DPP10: variants seen among roughly 807,000 people sequenced by gnomAD.
DPP10 encodes dipeptidyl peptidase like 10.
A neutral mutation model predicts 120.9 loss-of-function variants in DPP10; 33 were observed. The observed-to-expected ratio is 0.27, with a 90% CI of 0.21 to 0.37. The LOEUF is 0.37. DPP10 is among the 10% of genes least tolerant of loss of function. The pLI, the probability that DPP10 is intolerant of heterozygous loss-of-function variation, is 1.00. For missense variants in DPP10, 816 were observed against 942.8 expected (o/e 0.87, Z 1.76); for synonymous variants, 337 against 326.1 (o/e 1.03, Z -0.36).
chr2:115,701,492 A>C (rs566909710), intron 7 of DPP10, among the ~76,000 whole-genome samples: 1 of 152,256 alleles, frequency 6.6e-6, no homozygotes, highest in Non-Finnish European at 1.5e-5. Context: ...TTAGAAGAAA[A>C]TATAAGTCAG....
intron 3 of DPP10, among the ~76,000 whole-genome samples, chr2:115,411,186 G>T (rs758569813): frequency 2.6e-5 from 4 of 152,020 alleles, no homozygotes; most frequent in Non-Finnish European, 5.9e-5. Context: ...TAAAACATTA[G>T]CCGGGCATGG....
intron 1 of DPP10, among the ~76,000 whole-genome samples, chr2:115,127,034 G>C (rs757251942): frequency 2.6e-5 from 4 of 152,108 alleles, no homozygotes; most frequent in African/African-American, 9.7e-5. Context: ...ATTGTACCAG[G>C]TCACACCTAA....
chr2:115,191,333 C>T (rs1399470529), intron 1 of DPP10, among the ~76,000 whole-genome samples: 2 of 152,206 alleles, frequency 1.3e-5, no homozygotes, highest in African/African-American at 2.4e-5. Flanking sequence ...CTGGAATTTT[C>T]GTCAAACACT....
At chr2:114,663,244 G>GTATATATATATATATCTA (rs1278635466) in intron 1 of DPP10, among the ~76,000 whole-genome samples, 1 of 145,770 alleles carries the variant, frequency 6.9e-6, no homozygotes, top group Non-Finnish European at 1.5e-5. Context: ...CCTTGTGTGT[G>GTATATATATATATATCTA]TATATATATA....
chr2:115,522,713 A>C (rs1292836441), intron 4 of DPP10, among the ~76,000 whole-genome samples: 1 of 152,168 alleles, frequency 6.6e-6, no homozygotes, highest in East Asian at 1.9e-4. Flanking sequence ...ACAGGCAGGC[A>C]TCATTGCTGA....
chr2:114,590,409 T>C (rs576480178), intron 1 of DPP10, among the ~76,000 whole-genome samples: 1 of 152,326 alleles, frequency 6.6e-6, no homozygotes, highest in East Asian at 1.9e-4. Context: ...CAATTGCTTT[T>C]CTTAATTGGG....
At chr2:114,781,870 C>G (rs937993306) in intron 1 of DPP10, among the ~76,000 whole-genome samples, 4 of 152,124 alleles carry the variant, frequency 2.6e-5, no homozygotes, top group Non-Finnish European at 5.9e-5. Flanking sequence ...CTGCATTTGT[C>G]TCTCCTCACA....
At chr2:114,742,333 A>C (rs1678145411) in intron 1 of DPP10, among the ~76,000 whole-genome samples, 1 of 152,340 alleles carries the variant, frequency 6.6e-6, no homozygotes, top group African/African-American at 2.4e-5. Context: ...GAAAAAGAAA[A>C]GGAGAAGAAG....
At chr2:114,691,335 G>T (rs72826531) in intron 1 of DPP10, among the ~76,000 whole-genome samples, 1 of 152,050 alleles carries the variant, frequency 6.6e-6, no homozygotes, top group African/African-American at 2.4e-5. Context: ...TGTGGTTTTT[G>T]TCTATAGTTC....
At chr2:115,568,631 G>T (rs2081162925) in intron 5 of DPP10, among the ~76,000 whole-genome samples, 1 of 145,966 alleles carries the variant, frequency 6.9e-6, no homozygotes, top group African/African-American at 2.5e-5. Context: ...TTTTTCTATC[G>T]CGTACTTGGT....
intron 1 of DPP10, among the ~76,000 whole-genome samples, chr2:115,139,444 A>G (rs942779785): frequency 3.3e-5 from 5 of 152,078 alleles, no homozygotes; most frequent in Admixed American, 6.5e-5. Flanking sequence ...CACATACGAA[A>G]AACTTTACAT....
In DPP10 at chr2:115,499,554, C is replaced by G; in HGVS notation, c.316C>G (p.Leu106Val). The change falls in exon 4 of 26, where the codon CTG (leucine) becomes GTG (valine). Residue 106 changes from leucine (L) to valine (V), a missense_variant. Physicochemically the swap from Leu to Val is conservative, Grantham distance 32. Coordinates refer to ENST00000410059, the MANE Select transcript of DPP10 (RefSeq NM_020868.6). ...AAGCGAGAATGGACATGTCATTAAA[C>G]TGAATATAGAAACAAATGCTACCAC... ...YKSENGHVIK[L>V]NIETNATTLL... 6.2e-7 allele frequency: 1 copy of G among 1,611,748 alleles called. No homozygotes were observed. The highest frequency in any genetic ancestry group is 8.5e-7 in the Non-Finnish European group (1 of 1,178,642).
At chr2:115,227,640 G>T (rs2057502108) in intron 1 of DPP10, among the ~76,000 whole-genome samples, 1 of 152,086 alleles carries the variant, frequency 6.6e-6, no homozygotes, top group South Asian at 2.1e-4. Context: ...TGCTTTAGCA[G>T]ATTGTTATAT....
chr2:114,703,419 T>A (rs947352427), intron 1 of DPP10, among the ~76,000 whole-genome samples: 1 of 152,164 alleles, frequency 6.6e-6, no homozygotes, highest in Non-Finnish European at 1.5e-5. Context: ...AAGAGTAAAT[T>A]ACTTTTCATT....
At chr2:115,650,266 G>A (rs1282081548) in intron 5 of DPP10, among the ~76,000 whole-genome samples, 1 of 151,918 alleles carries the variant, frequency 6.6e-6, no homozygotes, top group African/African-American at 2.4e-5. Context: ...TCCATGTGTT[G>A]CAAAAAGATG....
intron 3 of DPP10, among the ~76,000 whole-genome samples, chr2:115,471,332 T>G (rs2074704082): frequency 6.6e-6 from 1 of 152,170 alleles, no homozygotes; most frequent in South Asian, 2.1e-4. Context: ...CATACATGAC[T>G]ACTTATTGCC....
At chr2:114,797,256 A>G (rs1484183306) in intron 1 of DPP10, among the ~76,000 whole-genome samples, 1 of 152,170 alleles carries the variant, frequency 6.6e-6, no homozygotes, top group Non-Finnish European at 1.5e-5. Flanking sequence ...ATATTTAGTG[A>G]TGAGGTTGTC....
chr2:114,828,931 T>C (rs1448371957), intron 1 of DPP10: 1 of 152,148 alleles, frequency 6.6e-6, no homozygotes, highest in Non-Finnish European at 1.5e-5. Context: ...GAAAAGTTTG[T>C]GCAATAGGGG....
At chr2:114,674,576 C>T (rs759697949) in intron 1 of DPP10, among the ~76,000 whole-genome samples, 1 of 152,262 alleles carries the variant, frequency 6.6e-6, no homozygotes, top group African/African-American at 2.4e-5. Flanking sequence ...TGCAATGTAG[C>T]TTTTAAACTT....
Sources: gnomAD v4.1 joint callset for allele counts (sites outside exome capture counted in the v4.1 genomes callset) on GRCh38, gnomAD v4.1.1 for gene constraint, MANE v1.5 for transcripts, NCBI Gene and HGNC (gene_info 2026-07-23, HGNC 2026-07-21) for gene names.